The following SLC4A4 variants were observed in gnomAD, a reference collection of about 807,000 sequenced individuals.
SLC4A4 encodes the protein solute carrier family 4 member 4.
A neutral mutation model predicts 111.5 loss-of-function variants in SLC4A4; 27 were observed. The ratio of observed to expected loss-of-function variants is 0.24; its 90% CI spans 0.18 to 0.33. The LOEUF is 0.33. Ranked by LOEUF, SLC4A4 falls within the 10% of genes least tolerant of loss-of-function variation. The probability of loss-of-function intolerance (pLI) is 1.00; values close to 1 mark genes in which losing one functional copy is unlikely to be tolerated. For synonymous variants in SLC4A4, 443 were observed against 463.4 expected, an observed-to-expected ratio of 0.96 and a Z score of 0.57; for missense variants, 909 against 1,315.5, an observed-to-expected ratio of 0.69 and a Z score of 4.78.
In SLC4A4 at chr4:71,389,554, G is replaced by A. The variant is rs546523520; in HGVS notation, c.731-8023G>A. 2.0e-5 allele frequency among the ~76,000 whole-genome samples: 3 copies of A among 152,108 alleles called. 1 individual carries two copies. Among genetic ancestry groups the A allele is most frequent in the East Asian group, 3.9e-4 (2 of 5,176 alleles). On this transcript the variant is annotated intron_variant, in intron 6 of 25. Transcript: ENST00000264485. Reference sequence around the variant, plus strand: ...GCTTCTTCTTTTCCCTCTGCTCAACGACAGGCTTTGGGCCAGTTTGGCAGA... The same window carrying A: ...GCTTCTTCTTTTCCCTCTGCTCAACAACAGGCTTTGGGCCAGTTTGGCAGA...
intron 1 of SLC4A4, among the ~76,000 whole-genome samples, chr4:71,198,373 A>T (rs940208750): frequency 1.3e-5 from 2 of 152,218 alleles, no homozygotes; most frequent in African/African-American, 2.4e-5. Context: ...GGAATATTTA[A>T]GTGCTATATT....
At chr4:71,551,828 A>G (rs191344304) in intron 20 of SLC4A4, among the ~76,000 whole-genome samples, 1 of 152,080 alleles carries the variant, frequency 6.6e-6, no homozygotes, top group Admixed American at 6.6e-5. Context: ...TTCAATGACT[A>G]GGAACCAGAT....
At chr4:71,135,016 C>A (rs1005384213) in intron 2 of SLC4A4, among the ~76,000 whole-genome samples, 5 of 152,132 alleles carry the variant, frequency 3.3e-5, no homozygotes, top group Admixed American at 6.5e-5. Context: ...TTACAGTTGC[C>A]ATGAGTCCAT....
intron 7 of SLC4A4, among the ~76,000 whole-genome samples, chr4:71,408,983 T>C (rs146904552): frequency 8.9e-4 from 136 of 152,328 alleles, no homozygotes; most frequent in African/African-American, 3.1e-3. Context: ...ATCTATGGGC[T>C]TATCTGGTGT....
At chr4:71,492,285 CATATT>C (rs1730001933) in intron 15 of SLC4A4, among the ~76,000 whole-genome samples, 1 of 151,876 alleles carries the variant, frequency 6.6e-6, no homozygotes, top group African/African-American at 2.4e-5. Flanking sequence ...CATCCTGTCT[CATATT>C]ATCCCTCACT....
At chr4:71,440,377 A>G (rs1724605537) in intron 7 of SLC4A4, among the ~76,000 whole-genome samples, 1 of 152,248 alleles carries the variant, frequency 6.6e-6, no homozygotes, top group African/African-American at 2.4e-5. Flanking sequence ...TATGTAAACC[A>G]TGTGATTAAT....
chr4:71,443,104 CTCTCTCTCTCTCTATATA>C (rs1253693387), intron 8 of SLC4A4, among the ~76,000 whole-genome samples: 2 of 99,782 alleles, frequency 2.0e-5, no homozygotes, highest in East Asian at 7.3e-4. Context: ...CTCTCTCTCT[CTCTCTCTCTCTCTATATA>C]TATATATATA....
At chr4:71,374,166 A>G (rs1048309727) in intron 6 of SLC4A4, among the ~76,000 whole-genome samples, 5 of 152,024 alleles carry the variant, frequency 3.3e-5, no homozygotes, top group South Asian at 2.1e-4. Flanking sequence ...AACTCTCTTT[A>G]TTGCCCAGTG....
At chr4:71,547,778 T>A (rs548560250) in intron 20 of SLC4A4, 58 bp downstream of exon 20, 4 of 1,384,410 alleles carry the variant, frequency 2.9e-6, no homozygotes, top group African/African-American at 1.4e-5. Flanking sequence ...TAATTGGACA[T>A]GTGAAGAGTG....
chr4:71,311,788 A>G (rs1217720212), intron 3 of SLC4A4, among the ~76,000 whole-genome samples: 1 of 152,034 alleles, frequency 6.6e-6, no homozygotes, highest in Non-Finnish European at 1.5e-5. Flanking sequence ...GAGAAGCGAG[A>G]GCAAACAAAT....
chr4:71,473,312 G>A, intron 14 of SLC4A4: 1 of 573,006 alleles, frequency 1.7e-6, no homozygotes, highest in Non-Finnish European at 3.1e-6. Context: ...ATAAATATGT[G>A]ACAAACCTAT....
intron 7 of SLC4A4, among the ~76,000 whole-genome samples, chr4:71,434,831 G>A (rs1000963357): frequency 1.3e-5 from 2 of 152,024 alleles, no homozygotes; most frequent in African/African-American, 4.8e-5. Context: ...TTGCTACAAA[G>A]AGAATAAAAT....
At chr4:71,216,576 G>T (rs533277840) in intron 1 of SLC4A4, among the ~76,000 whole-genome samples, 30 of 152,210 alleles carry the variant, frequency 2.0e-4, no homozygotes, top group Non-Finnish European at 2.8e-4. Flanking sequence ...TCCCTGCAAG[G>T]TTCAAAAGAG....
intron 3 of SLC4A4, among the ~76,000 whole-genome samples, chr4:71,257,997 C>T (rs888831740): frequency 1.3e-5 from 2 of 152,178 alleles, no homozygotes; most frequent in African/African-American, 4.8e-5. Context: ...CTGCAGCAGT[C>T]TCTGCTTTTT....
intron 6 of SLC4A4, among the ~76,000 whole-genome samples, chr4:71,384,642 C>CAA (rs773419796): frequency 0.015 from 907 of 61,392 alleles, 10 homozygotes; most frequent in African/African-American, 0.038. Flanking sequence ...TCCCTCCCAC[C>CAA]AAAAAAAAAA....
intron 14 of SLC4A4, among the ~76,000 whole-genome samples, chr4:71,476,027 G>GAT (rs944856446): frequency 8.6e-5 from 13 of 151,746 alleles, no homozygotes; most frequent in African/African-American, 3.1e-4. Flanking sequence ...ACTCATGAAA[G>GAT]ATATATATGT....
In SLC4A4 at chr4:71,159,548, G is replaced by A. The variant is rs1308312678; in HGVS notation, c.-2+66756G>A. 2.0e-5 allele frequency among the ~76,000 whole-genome samples: 3 copies of A among 151,948 alleles called. No individual in the cohort carries two copies. The South Asian group carries it at 6.2e-4, about 31-fold the overall frequency. ...CTGGCTAATTTTTGTATTTTTAGTA[G>A]AGACAGAGTTTCACCATGTTGGCCA... On this transcript the variant is annotated intron_variant, in intron 2 of 26. Transcript: ENST00000649996.
At chr4:71,118,499 C>T (rs1743333262) in intron 2 of SLC4A4, among the ~76,000 whole-genome samples, 1 of 152,040 alleles carries the variant, frequency 6.6e-6, no homozygotes, top group Admixed American at 6.6e-5. Context: ...CTTTATTTTG[C>T]TTTTTATTTT....
In SLC4A4 at chr4:71,138,845, C is replaced by G. The variant is rs767494876; in HGVS notation, c.-2+46053C>G. Among the ~76,000 whole-genome samples the G allele has an allele frequency of 1.7e-3, 262 of 151,842 alleles. 1 individual carries two copies. The highest frequency in any genetic ancestry group is 4.9e-3 in the African/African-American group (203 of 41,412). ...AGGTCAGGAGATTGAGACCATTCTG[C>G]CTAACACGGTGAAACCCTGTCTCTA... On this transcript the variant is annotated intron_variant, in intron 2 of 26. Transcript: ENST00000649996.
Sources: gnomAD v4.1 joint callset for allele counts (sites outside exome capture counted in the v4.1 genomes callset) on GRCh38, gnomAD v4.1.1 for gene constraint, MANE v1.5 for transcripts, NCBI Gene and HGNC (gene_info 2026-07-23, HGNC 2026-07-21) for gene names.